The following FOXP2 variants were observed in gnomAD, a reference collection of about 807,000 sequenced individuals.
The protein encoded by FOXP2 is forkhead box P2.
In FOXP2, 12 loss-of-function variants were observed where a neutral mutation model predicts 115.8. That is an observed-to-expected ratio of 0.10 (90% CI 0.07 to 0.17). FOXP2 has a LOEUF of 0.17. FOXP2 is among the 10% of genes least tolerant of loss of function. The probability of loss-of-function intolerance (pLI) is 1.00; values close to 1 mark genes in which losing one functional copy is unlikely to be tolerated. For missense variants in FOXP2, 629 were observed against 843.5 expected, an observed-to-expected ratio of 0.75 and a Z score of 3.15; for synonymous variants, 328 against 297.7, an observed-to-expected ratio of 1.10 and a Z score of -1.05.
chr7:114,590,452 G>C (rs1359647679), intron 3 of FOXP2, among the ~76,000 whole-genome samples: 1 of 152,102 alleles, frequency 6.6e-6, no homozygotes, highest in African/African-American at 2.4e-5. Flanking sequence ...CCCTCACAGG[G>C]TTATAGTGAT....
At chr7:114,535,920 C>T (rs902401307) in intron 3 of FOXP2, among the ~76,000 whole-genome samples, 1 of 151,368 alleles carries the variant, frequency 6.6e-6, no homozygotes, top group South Asian at 2.1e-4. Context: ...TTAAAAGCAA[C>T]TTCACATTCC....
intron 6 of FOXP2, among the ~76,000 whole-genome samples, chr7:114,640,799 AT>A (rs1213414037): frequency 2.0e-5 from 3 of 152,148 alleles, no homozygotes; most frequent in Non-Finnish European, 4.4e-5. Context: ...GCACATAGTA[AT>A]TAAGAACATA....
chr7:114,333,510 C>G (rs112456982), intron 2 of FOXP2, among the ~76,000 whole-genome samples: 1 of 152,150 alleles, frequency 6.6e-6, no homozygotes, highest in Admixed American at 6.5e-5. Flanking sequence ...CCCAGCACAT[C>G]GGAAGGCCGA....
intron 16 of FOXP2, chr7:114,666,501 T>A (rs1807169839): frequency 6.6e-6 from 1 of 152,138 alleles, no homozygotes; most frequent in African/African-American, 2.4e-5. Context: ...AAGGAAGAAA[T>A]ATTGATATAA....
intron 2 of FOXP2, among the ~76,000 whole-genome samples, chr7:114,528,609 G>A (rs982401172): frequency 6.6e-6 from 1 of 151,976 alleles, no homozygotes; most frequent in Non-Finnish European, 1.5e-5. Context: ...AAGAGCATAT[G>A]CAGAACAGAG....
At chr7:114,232,869 G>A (rs888492517) in intron 1 of FOXP2, among the ~76,000 whole-genome samples, 6 of 151,846 alleles carry the variant, frequency 4.0e-5, no homozygotes, top group South Asian at 2.1e-4. Flanking sequence ...ATGCTATAAC[G>A]TGAATGAAAT....
chr7:114,341,794 A>G (rs1394003904), intron 2 of FOXP2, among the ~76,000 whole-genome samples: 3 of 151,196 alleles, frequency 2.0e-5, no homozygotes, highest in African/African-American at 7.3e-5. Context: ...CTTCACCTTT[A>G]TGGTTTACAC....
At chr7:114,331,795 G>A (rs947512066) in intron 2 of FOXP2, among the ~76,000 whole-genome samples, 2 of 151,722 alleles carry the variant, frequency 1.3e-5, no homozygotes, top group Non-Finnish European at 2.9e-5. Flanking sequence ...ACAGGCATGC[G>A]CCATCATACC....
chr7:114,151,575 T>C (rs982586937), intron 1 of FOXP2, among the ~76,000 whole-genome samples: 1 of 152,092 alleles, frequency 6.6e-6, no homozygotes, highest in Non-Finnish European at 1.5e-5. Context: ...GTGTGTTATT[T>C]TCTTTGTTCA....
chr7:114,213,453 T>C (rs1420917606), intron 1 of FOXP2, among the ~76,000 whole-genome samples: 2 of 152,206 alleles, frequency 1.3e-5, no homozygotes, highest in African/African-American at 4.8e-5. Context: ...TTAAATAATA[T>C]TCACAATAAC....
chr7:114,654,393 C>T (rs1806457969), intron 10 of FOXP2, among the ~76,000 whole-genome samples: 1 of 152,086 alleles, frequency 6.6e-6, no homozygotes, highest in African/African-American at 2.4e-5. Flanking sequence ...CTGAAGAAGG[C>T]AGATCAATCA....
chr7:114,366,028 A>C (rs1033994315), intron 2 of FOXP2, among the ~76,000 whole-genome samples: 1 of 152,140 alleles, frequency 6.6e-6, no homozygotes, highest in African/African-American at 2.4e-5. Flanking sequence ...CAATCATTTA[A>C]AAATCTAATT....
chr7:114,532,486 T>G (rs1032186100), intron 2 of FOXP2, among the ~76,000 whole-genome samples: 1 of 151,854 alleles, frequency 6.6e-6, no homozygotes, highest in Non-Finnish European at 1.5e-5. Context: ...TGGAATACAC[T>G]CAGGCCTGGA....
intron 2 of FOXP2, among the ~76,000 whole-genome samples, chr7:114,390,821 T>A (rs951386628): frequency 6.6e-6 from 1 of 152,028 alleles, no homozygotes; most frequent in African/African-American, 2.4e-5. Context: ...CCCTGCTAAG[T>A]GCTGGAATTA....
At chr7:114,297,345 C>T (rs1193272266) in intron 2 of FOXP2, 5 of 665,732 alleles carry the variant, frequency 7.5e-6, no homozygotes, top group African/African-American at 1.8e-5. Context: ...CCCGTGGTGG[C>T]GGCTGTGCCT....
intron 2 of FOXP2, among the ~76,000 whole-genome samples, chr7:114,517,196 A>G (rs895391506): frequency 6.6e-6 from 1 of 151,892 alleles, no homozygotes; most frequent in Non-Finnish European, 1.5e-5. Context: ...TAATCAAACT[A>G]CTTGTTTTCT....
chr7:114,211,547 G>A (rs1214628857), intron 1 of FOXP2, among the ~76,000 whole-genome samples: 2 of 152,186 alleles, frequency 1.3e-5, no homozygotes, highest in Non-Finnish European at 2.9e-5. Context: ...TATTTCAGTC[G>A]AAGGTGCTGA....
chr7:114,560,542 G>C (rs1800710812), intron 3 of FOXP2, among the ~76,000 whole-genome samples: 1 of 152,150 alleles, frequency 6.6e-6, no homozygotes, highest in Non-Finnish European at 1.5e-5. Flanking sequence ...CTTGAGCTCA[G>C]GAGGCAGCAG....
intron 1 of FOXP2, among the ~76,000 whole-genome samples, chr7:114,252,254 T>C (rs1389941847): frequency 6.6e-6 from 1 of 152,194 alleles, no homozygotes; most frequent in East Asian, 1.9e-4. Context: ...TAAAATTCTC[T>C]TTTTTCGTTG....
Sources: allele counts gnomAD v4.1 joint callset (sites outside exome capture counted in the v4.1 genomes callset), GRCh38; gene constraint gnomAD v4.1.1; transcripts MANE v1.5; gene names NCBI Gene and HGNC (gene_info 2026-07-23, HGNC 2026-07-21).